The following GINS4 variants were observed in gnomAD, a reference collection of about 807,000 sequenced individuals.
GINS4 encodes the protein DNA replication complex GINS protein SLD5.
A neutral mutation model predicts 31.1 loss-of-function variants in GINS4; 20 were observed. The ratio of observed to expected loss-of-function variants is 0.64; its 90% CI spans 0.45 to 0.93. GINS4 has a LOEUF of 0.93. Among genes scored for constraint, GINS4 ranks in the 40% least tolerant of loss-of-function variants. GINS4 has a pLI of 0.00. For synonymous variants in GINS4, 85 were observed against 97.9 expected (o/e 0.87, Z 0.78); for missense variants, 245 against 273.9 (o/e 0.89, Z 0.75).
At chr8:41,540,032 G>GCCCACCCATCCTCAGGTGT (rs1806810603) in intron 6 of GINS4, 28 bp downstream of exon 6, 1 of 1,522,784 alleles carries the variant, frequency 6.6e-7, no homozygotes, top group Admixed American at 1.7e-5. Flanking sequence ...CCTGCAGGTG[G>GCCCACCCATCCTCAGGTGT]CCCACCCATC....
chr8:41,532,335 A>G (rs1806660500), intron 2 of GINS4, among the ~76,000 whole-genome samples: 1 of 151,068 alleles, frequency 6.6e-6, no homozygotes, highest in East Asian at 1.9e-4. Flanking sequence ...AAATCATGAG[A>G]TATCATCTCA....
chr8:41,539,926 AAC>A lies in GINS4; in HGVS notation c.410_411del (p.Thr137ArgfsTer15). Reference sequence around the variant, plus strand: ...ATCCATGTCTTTCAGGTTCATGGCGAACACAGAGTCCTATCTGAAAAATGTCG... The same window carrying A: ...ATCCATGTCTTTCAGGTTCATGGCGAACAGAGTCCTATCTGAAAAATGTCG... ...ELAFAREFMA[N>X]TESYLKNVAL... is the part of the protein sequence containing the mutation. On this transcript the variant is annotated frameshift_variant, in exon 6 of 8. Transcript: ENST00000276533. LOFTEE classifies it high-confidence loss of function. 1.2e-6 allele frequency: 2 copies of A among 1,614,070 alleles called. No individual in the cohort carries two copies. Among genetic ancestry groups the A allele is most frequent in the Non-Finnish European group, 8.5e-7 (1 of 1,179,946 alleles).
Position 41,539,752 on chromosome 8 carries a change from G to A in GINS4, c.372G>A (p.Pro124=), listed in dbSNP as rs142553733. 661 of 1,614,148 alleles carry A rather than the reference G, an allele frequency of 4.1e-4. 9 individuals carry two copies. In the African/African-American group the frequency reaches 6.9e-3, roughly 17 times the overall value. Residue 124 remains proline, a synonymous_variant, in exon 5 of 8, where the codon CCG becomes CCA. Transcript: ENST00000276533. ...RPEGEPSSLS[P]EELAFAREFM... ...AGGGGGAGCCTTCCAGCCTCTCGCCGGAAGAGTTGGCCTTTGCCAGAGAGT... is the reference window on the plus strand; with the variant it reads ...AGGGGGAGCCTTCCAGCCTCTCGCCAGAAGAGTTGGCCTTTGCCAGAGAGT...
Position 41,534,975 on chromosome 8 carries a change from G to A in GINS4, c.97-1385G>A, listed in dbSNP as rs376776882. ...CCTGACCTCGTGATCCGCCTGCCTCGGCCTCCCAAAGTGCTGGGATTACAG... is the reference window on the plus strand; with the variant it reads ...CCTGACCTCGTGATCCGCCTGCCTCAGCCTCCCAAAGTGCTGGGATTACAG... On this transcript the variant is annotated intron_variant, in intron 2 of 7. Coordinates refer to ENST00000276533, the MANE Select transcript of GINS4 (RefSeq NM_032336.3). Among the ~76,000 whole-genome samples the A allele has an allele frequency of 4.2e-4, 64 of 151,922 alleles. 1 individual carries two copies. The highest frequency in any genetic ancestry group is 1.4e-3 in the African/African-American group (59 of 41,466).
Position 41,539,984 on chromosome 8 carries a change from AG to A in GINS4, c.466del (p.Val156TrpfsTer12). 6.2e-7 allele frequency: 1 copy of A among 1,613,884 alleles called. No individual in the cohort carries two copies. Among genetic ancestry groups the A allele is most frequent in the East Asian group, 2.2e-5 (1 of 44,886 alleles). ...ALKHMPPNLQ[K>X]VDLFRAVPKP... ...AAGCACATGCCCCCTAACTTACAGA[AG>A]GTGGACCTCTTTCGGGCAGGTAAAC... On this transcript the variant is annotated frameshift_variant, in exon 6 of 8. Coordinates refer to ENST00000276533, the MANE Select transcript of GINS4 (RefSeq NM_032336.3). LOFTEE classifies it high-confidence loss of function.
chr8:41,537,347 C>A, intron 4 of GINS4, 54 bp downstream of exon 4: 1 of 1,305,430 alleles, frequency 7.7e-7, no homozygotes, highest in Non-Finnish European at 1.1e-6. Context: ...GTAATGCAGA[C>A]TGAATGTCCT....
chr8:41,536,457 C>T lies in GINS4; in HGVS notation c.183+11C>T, dbSNP rs780655132. On this transcript the variant is annotated intron_variant, in intron 3 of 7. Coordinates refer to ENST00000276533, the MANE Select transcript of GINS4 (RefSeq NM_032336.3). ...CAGCTGGAGCACATGGTAAGAGTCG[C>T]TTGTCTTGGGTTGACAAAGGAGGAG... 7 of 1,559,554 alleles carry T rather than the reference C, an allele frequency of 4.5e-6. No homozygotes were observed.
intron 4 of GINS4, among the ~76,000 whole-genome samples, chr8:41,538,200 C>G (rs1585622427): frequency 6.6e-6 from 1 of 152,286 alleles, no homozygotes; most frequent in South Asian, 2.1e-4. Flanking sequence ...TCCTCGAAGT[C>G]TTCTCTCAGG....
Position 41,536,423 on chromosome 8 carries a change from G to A in GINS4, c.160G>A (p.Val54Ile). The A allele has an allele frequency of 6.2e-7, 1 of 1,609,272 alleles. No homozygotes were observed. The highest frequency in any genetic ancestry group is 2.2e-5 in the East Asian group (1 of 44,866). ...GAGCAAGCCTGAGATTGTAGAATGTGTCATGGAACAGCTGGAGCACATGGT... is the reference window on the plus strand; with the variant it reads ...GAGCAAGCCTGAGATTGTAGAATGTATCATGGAACAGCTGGAGCACATGGT... ...LESKPEIVEC[V>I]MEQLEHMEEN... The change falls in exon 3 of 8, where the codon GTC (valine) becomes ATC (isoleucine). Residue 54 changes from valine to isoleucine, a missense_variant. Val to Ile is a conservative substitution (Grantham distance 29). Transcript: ENST00000276533.
At chr8:41,532,959 C>T (rs949077849) in intron 2 of GINS4, among the ~76,000 whole-genome samples, 6 of 152,142 alleles carry the variant, frequency 3.9e-5, no homozygotes, top group South Asian at 2.1e-4. Flanking sequence ...CACATACCTG[C>T]GGCCCAGTAG....
intron 4 of GINS4, 143 bp downstream of exon 4, chr8:41,537,436 C>T: frequency 3.3e-6 from 2 of 601,790 alleles, no homozygotes; most frequent in South Asian, 4.0e-5. Context: ...TGTAGCTAAA[C>T]TGTAAGGAGA....
At chr8:41,536,048 G>GC (rs1563254226) in intron 2 of GINS4, among the ~76,000 whole-genome samples, 2 of 152,144 alleles carry the variant, frequency 1.3e-5, no homozygotes, top group African/African-American at 4.8e-5. Flanking sequence ...GGGCTGCCTG[G>GC]CAAAGGCACT....
At chr8:41,535,391 C>G (rs1806725135) in intron 2 of GINS4, among the ~76,000 whole-genome samples, 1 of 152,082 alleles carries the variant, frequency 6.6e-6, no homozygotes, top group Admixed American at 6.6e-5. Context: ...AAAAGAAATG[C>G]TGCTCCTAAT....
At chr8:41,541,935 CT>C in intron 7 of GINS4, 36 bp downstream of exon 7, 1 of 1,611,238 alleles carries the variant, frequency 6.2e-7, no homozygotes. Context: ...GGGCACATTC[CT>C]CCCGATGGAG....
At position 41,539,698 on chromosome 8, in the gene GINS4, T is replaced by C. The variant is rs747787378; in HGVS notation, c.318T>C (p.His106=). The C allele has an allele frequency of 6.2e-7, 1 of 1,613,550 alleles. No individual in the cohort carries two copies. The change falls in exon 5 of 8, where the codon CAT becomes CAC. Residue 106 remains histidine, a synonymous_variant. Transcript: ENST00000276533. ...RLMKIEKFFP[H]VLEKEKTRPE... is the part of the protein sequence containing the mutation. ...CACAGATAGAGAAGTTTTTCCCTCA[T>C]GTCCTTGAGAAGGAAAAAACACGTC... is the stretch of plus-strand genomic sequence containing the variant.
rs186830824 is a variant in GINS4, at chr8:41,536,184, G to A, written c.97-176G>A. On this transcript the variant is annotated intron_variant, in intron 2 of 7. Coordinates refer to ENST00000276533, the MANE Select transcript of GINS4 (RefSeq NM_032336.3). ...CAGCCTCCCAACTAAAACAAGACAC[G>A]AGAAAGCAATCGCTAAACGTAGTTT... is the stretch of plus-strand genomic sequence containing the variant. Among the ~76,000 whole-genome samples, 6 of 152,318 alleles carry A rather than the reference G, an allele frequency of 3.9e-5. No individual in the cohort carries two copies. In the East Asian group the frequency reaches 7.7e-4, roughly 20 times the overall value.
chr8:41,533,006 C>T (rs1236799801), intron 2 of GINS4, among the ~76,000 whole-genome samples: 1 of 152,136 alleles, frequency 6.6e-6, no homozygotes, highest in African/African-American at 2.4e-5. Flanking sequence ...AAAACTTCCG[C>T]ATGTACTCTA....
intron 4 of GINS4, 47 bp from the exon 5 acceptor site, chr8:41,539,631 T>TTCC: frequency 7.5e-7 from 1 of 1,334,706 alleles, no homozygotes; most frequent in Non-Finnish European, 1.1e-6. Flanking sequence ...ATCCTTCTCT[T>TTCC]TGACTTTTGC....
intron 4 of GINS4, 37 bp from the exon 5 acceptor site, chr8:41,539,641 C>A: frequency 1.4e-6 from 2 of 1,422,354 alleles, no homozygotes; most frequent in Non-Finnish European, 2.0e-6. Flanking sequence ...TTGACTTTTG[C>A]CAATGTTTTC....
Sources: gnomAD v4.1 joint callset for allele counts (sites outside exome capture counted in the v4.1 genomes callset) on GRCh38, gnomAD v4.1.1 for gene constraint, MANE v1.5 for transcripts, NCBI Gene and HGNC (gene_info 2026-07-23, HGNC 2026-07-21) for gene names.